Variants in CNTN5 observed in about 807,000 individuals in gnomAD.
CNTN5 encodes contactin-5.
Under a neutral mutation model 129.1 loss-of-function variants are expected in CNTN5, and 77 were observed. The ratio of observed to expected loss-of-function variants is 0.60; its 90% CI spans 0.50 to 0.72. The LOEUF (loss-of-function observed/expected upper bound fraction) is 0.72. Among genes scored for constraint, CNTN5 ranks in the 30% least tolerant of loss-of-function variants. The pLI is 0.00. For synonymous variants in CNTN5, 509 were observed against 465.6 expected (o/e 1.09, Z -1.20); for missense variants, 1,478 against 1,328.8 (o/e 1.11, Z -1.75).
chr11:100,173,770 C>CTGTG (rs2138419744), intron 13 of CNTN5, among the ~76,000 whole-genome samples: 1 of 152,262 alleles, frequency 6.6e-6, no homozygotes, highest in South Asian at 2.1e-4. Flanking sequence ...ACAGATGGTT[C>CTGTG]TGTGGACAAC....
At chr11:99,290,521 T>C (rs895920942) in intron 1 of CNTN5, among the ~76,000 whole-genome samples, 5 of 151,886 alleles carry the variant, frequency 3.3e-5, no homozygotes, top group African/African-American at 4.8e-5. Flanking sequence ...AGGTGGTGTT[T>C]CATTTTTCAT....
intron 1 of CNTN5, among the ~76,000 whole-genome samples, chr11:99,124,006 C>T (rs1353253291): frequency 6.6e-6 from 1 of 151,722 alleles, no homozygotes; most frequent in Admixed American, 6.6e-5. Context: ...ATTTGTGTTG[C>T]CTATTTGGAC....
intron 21 of CNTN5, chr11:100,308,863 G>A: frequency 3.1e-6 from 3 of 983,496 alleles, no homozygotes; most frequent in Non-Finnish European, 3.6e-6. Context: ...CCTCAGTGCT[G>A]AATTATCAAA....
chr11:99,060,989 C>A (rs1864852182), intron 1 of CNTN5, among the ~76,000 whole-genome samples: 1 of 152,098 alleles, frequency 6.6e-6, no homozygotes, highest in South Asian at 2.1e-4. Context: ...CAAACTCCAA[C>A]CCCTCTGGAT....
chr11:99,375,443 T>A (rs1377124292), intron 2 of CNTN5, among the ~76,000 whole-genome samples: 1 of 151,440 alleles, frequency 6.6e-6, no homozygotes, highest in Non-Finnish European at 1.5e-5. Context: ...TAATAACAAG[T>A]TAGAGAGTAT....
intron 3 of CNTN5, among the ~76,000 whole-genome samples, chr11:99,783,786 C>T (rs1007292841): frequency 6.6e-6 from 1 of 150,466 alleles, no homozygotes; most frequent in African/African-American, 2.5e-5. Flanking sequence ...CACATGGACA[C>T]AGGAAGGGGA....
chr11:99,572,982 A>G (rs1176125672), intron 3 of CNTN5, among the ~76,000 whole-genome samples: 3 of 152,184 alleles, frequency 2.0e-5, no homozygotes, highest in Non-Finnish European at 2.9e-5. Flanking sequence ...AAGGAAGACT[A>G]AAAAGAAGGG....
chr11:99,406,348 G>T (rs1435462598), intron 2 of CNTN5, among the ~76,000 whole-genome samples: 2 of 151,908 alleles, frequency 1.3e-5, no homozygotes, highest in Non-Finnish European at 2.9e-5. Flanking sequence ...GAATTCTCTG[G>T]ATTACCAAAC....
intron 17 of CNTN5, among the ~76,000 whole-genome samples, chr11:100,264,645 G>C (rs755829294): frequency 6.6e-6 from 1 of 152,072 alleles, no homozygotes; most frequent in Non-Finnish European, 1.5e-5. Flanking sequence ...ATGGGCATTT[G>C]GGTTGCTTCC....
In CNTN5 at chr11:99,686,565, G is replaced by A. The variant is rs539355318; in HGVS notation, c.55+130296G>A. ...AACCCACAAATGCTTTTGCAATGCC[G>A]TTATTTAAAGTTTTTTTTCCGGAAC... On this transcript the variant is annotated intron_variant, in intron 3 of 24. Transcript: ENST00000524871. Among the ~76,000 whole-genome samples the A allele has an allele frequency of 6.2e-4, 95 of 152,114 alleles. 2 individuals are homozygous for A. The South Asian group carries it at 0.018, about 30-fold the overall frequency.
At chr11:100,081,335 TTATC>T (rs1414476083) in intron 13 of CNTN5, among the ~76,000 whole-genome samples, 6 of 152,150 alleles carry the variant, frequency 3.9e-5, no homozygotes, top group African/African-American at 1.4e-4. Context: ...AATTAAGAAT[TTATC>T]AATGAGTTGT....
intron 1 of CNTN5, among the ~76,000 whole-genome samples, chr11:99,313,701 T>C (rs1397806284): frequency 2.0e-5 from 3 of 152,134 alleles, no homozygotes; most frequent in African/African-American, 7.2e-5. Context: ...TAATATTTAG[T>C]AATAATTATT....
chr11:99,360,364 G>A (rs1285137016), intron 2 of CNTN5, among the ~76,000 whole-genome samples: 1 of 152,184 alleles, frequency 6.6e-6, no homozygotes. Context: ...TTAGGGGATT[G>A]CTCTAGTGGG....
At chr11:100,324,207 C>T (rs1275103273) in intron 21 of CNTN5, among the ~76,000 whole-genome samples, 1 of 152,036 alleles carries the variant, frequency 6.6e-6, no homozygotes, top group Non-Finnish European at 1.5e-5. Flanking sequence ...TTTTTAAAGG[C>T]AAAGAAAGGG....
At chr11:99,663,451 G>A (rs1178760074) in intron 3 of CNTN5, among the ~76,000 whole-genome samples, 2 of 152,192 alleles carry the variant, frequency 1.3e-5, no homozygotes, top group African/African-American at 2.4e-5. Context: ...CTGGGTAACA[G>A]AGCGAGACTC....
At chr11:99,978,251 CATA>C (rs1257888229) in intron 8 of CNTN5, among the ~76,000 whole-genome samples, 1 of 152,060 alleles carries the variant, frequency 6.6e-6, no homozygotes, top group Non-Finnish European at 1.5e-5. Context: ...TAAGCTGTGT[CATA>C]ATGAAAGAGT....
intron 1 of CNTN5, among the ~76,000 whole-genome samples, chr11:99,090,732 A>C (rs1190902375): frequency 3.3e-5 from 5 of 151,384 alleles, no homozygotes; most frequent in Non-Finnish European, 5.9e-5. Context: ...AAAAAAAAAA[A>C]AAAAAAACGG....
chr11:100,158,830 C>CAAAT lies in CNTN5; in HGVS notation c.1581-32294_1581-32291dup, dbSNP rs562596666. Among the ~76,000 whole-genome samples the CAAAT allele has an allele frequency of 2.2e-4, 34 of 151,866 alleles. No individual in the cohort carries two copies. The East Asian group carries it at 5.1e-3, about 23-fold the overall frequency. On this transcript the variant is annotated intron_variant, in intron 13 of 24. Coordinates refer to ENST00000524871, the MANE Select transcript of CNTN5 (RefSeq NM_014361.4). ...AGAATTTAGCTTTTCAACTTTTATGCAAATATACCACTAATCTGTTGTACA... is the reference window on the plus strand; with the variant it reads ...AGAATTTAGCTTTTCAACTTTTATGCAAATAAATATACCACTAATCTGTTGTACA...
chr11:99,711,461 C>T (rs965728938), intron 3 of CNTN5, among the ~76,000 whole-genome samples: 15 of 151,538 alleles, frequency 9.9e-5, no homozygotes, highest in African/African-American at 3.6e-4. Context: ...ATTTTTTACT[C>T]TCTTATACAT....
Sources: gnomAD v4.1 joint callset for allele counts (sites outside exome capture counted in the v4.1 genomes callset) on GRCh38, gnomAD v4.1.1 for gene constraint, MANE v1.5 for transcripts, NCBI Gene and HGNC (gene_info 2026-07-23, HGNC 2026-07-21) for gene names.